Variants in NEK7 observed in about 807,000 individuals in gnomAD.
NEK7 encodes serine/threonine-protein kinase Nek7.
NEK7 carries 18 observed loss-of-function variants against 44.6 expected under a neutral mutation model. The ratio of observed to expected loss-of-function variants is 0.40; its 90% CI spans 0.28 to 0.60. NEK7 has a LOEUF of 0.60. Ranked by LOEUF, NEK7 falls within the 20% of genes least tolerant of loss-of-function variation. NEK7 has a pLI of 0.38. For synonymous variants in NEK7, 130 were observed against 121.1 expected (o/e 1.07, Z -0.48); for missense variants, 256 against 366.5 (o/e 0.70, Z 2.46).
At chr1:198,287,628 A>G (rs1453406010) in intron 7 of NEK7, among the ~76,000 whole-genome samples, 1 of 152,136 alleles carries the variant, frequency 6.6e-6, no homozygotes, top group East Asian at 1.9e-4. Flanking sequence ...ATTTATAAAC[A>G]AATCATTTTC....
chr1:198,158,057 T>G (rs988558526), intron 1 of NEK7, among the ~76,000 whole-genome samples: 2 of 152,180 alleles, frequency 1.3e-5, no homozygotes, highest in Non-Finnish European at 2.9e-5. Flanking sequence ...GAACTTCTGT[T>G]GCCTCTGTTA....
chr1:198,182,520 G>A (rs542580725), intron 1 of NEK7, among the ~76,000 whole-genome samples: 5 of 152,222 alleles, frequency 3.3e-5, no homozygotes, highest in African/African-American at 1.2e-4. Flanking sequence ...TTTCTGGTTT[G>A]TATTCTTGCT....
At chr1:198,162,128 T>G (rs1048973150) in intron 1 of NEK7, among the ~76,000 whole-genome samples, 2 of 152,154 alleles carry the variant, frequency 1.3e-5, no homozygotes, top group Non-Finnish European at 2.9e-5. Flanking sequence ...AAGAATTAGC[T>G]GTAGACTTAC....
At chr1:198,174,037 A>AT (rs1309350886) in intron 1 of NEK7, among the ~76,000 whole-genome samples, 1 of 152,220 alleles carries the variant, frequency 6.6e-6, no homozygotes, top group East Asian at 1.9e-4. Context: ...AAATTGCAAG[A>AT]TAGTGCAGGT....
At chr1:198,221,519 A>G (rs528873080) in intron 1 of NEK7, among the ~76,000 whole-genome samples, 206 of 151,882 alleles carry the variant, frequency 1.4e-3, no homozygotes, top group Admixed American at 2.2e-3. Context: ...TCTTAAAAAC[A>G]TATTTTTAAG....
intron 1 of NEK7, chr1:198,198,203 C>T (rs1665303497): frequency 1.4e-6 from 1 of 720,534 alleles, no homozygotes; most frequent in East Asian, 2.7e-5. Flanking sequence ...GTGTGTCCTC[C>T]AGCCTTTCCA....
At chr1:198,159,610 C>T (rs1021003112) in intron 1 of NEK7, among the ~76,000 whole-genome samples, 1 of 152,116 alleles carries the variant, frequency 6.6e-6, no homozygotes, top group East Asian at 1.9e-4. Context: ...TATTTCTAAG[C>T]GTACAGACTC....
intron 1 of NEK7, among the ~76,000 whole-genome samples, chr1:198,186,631 C>T (rs1381105003): frequency 6.6e-6 from 1 of 152,164 alleles, no homozygotes; most frequent in African/African-American, 2.4e-5. Flanking sequence ...ACAGTCCAAC[C>T]TTTGCCCATA....
At chr1:198,204,290 A>T (rs1665524925) in intron 1 of NEK7, among the ~76,000 whole-genome samples, 1 of 152,106 alleles carries the variant, frequency 6.6e-6, no homozygotes. Flanking sequence ...AAAAATAAAT[A>T]TGAGAGCAAG....
At chr1:198,178,869 AG>A (rs1308831646) in intron 1 of NEK7, among the ~76,000 whole-genome samples, 1 of 152,066 alleles carries the variant, frequency 6.6e-6, no homozygotes, top group Non-Finnish European at 1.5e-5. Flanking sequence ...GGTTTATCTG[AG>A]CATATAAAGA....
At chr1:198,198,481 AG>A (rs1285301577) in intron 1 of NEK7, among the ~76,000 whole-genome samples, 1 of 152,130 alleles carries the variant, frequency 6.6e-6, no homozygotes, top group Non-Finnish European at 1.5e-5. Context: ...AGAGAGTTTA[AG>A]GTGATCTGGG....
intron 2 of NEK7, among the ~76,000 whole-genome samples, chr1:198,248,893 TTATTATAC>T (rs1413227468): frequency 6.6e-6 from 1 of 151,890 alleles, no homozygotes; most frequent in African/African-American, 2.4e-5. Flanking sequence ...TATTTTATTA[TTATTATAC>T]TATTATACTT....
At chr1:198,265,045 A>G (rs1380211744) in intron 5 of NEK7, among the ~76,000 whole-genome samples, 1 of 152,078 alleles carries the variant, frequency 6.6e-6, no homozygotes, top group East Asian at 1.9e-4. Context: ...TGGGGCTAGT[A>G]TGGTAGCTCT....
intron 1 of NEK7, among the ~76,000 whole-genome samples, chr1:198,159,452 T>C (rs191886784): frequency 7.7e-4 from 117 of 152,296 alleles, no homozygotes; most frequent in African/African-American, 2.7e-3. Flanking sequence ...AGACTAAATA[T>C]AGTCCATGTG....
At chr1:198,182,955 C>T (rs1242650268) in intron 1 of NEK7, among the ~76,000 whole-genome samples, 1 of 152,088 alleles carries the variant, frequency 6.6e-6, no homozygotes, top group Non-Finnish European at 1.5e-5. Context: ...AAGGGGATGT[C>T]TCCTTTGGTT....
intron 1 of NEK7, among the ~76,000 whole-genome samples, chr1:198,189,979 A>G (rs950334481): frequency 2.6e-5 from 4 of 152,146 alleles, no homozygotes; most frequent in African/African-American, 9.6e-5. Flanking sequence ...TTGTATTGCC[A>G]TATAGGCAAA....
At chr1:198,192,062 T>C (rs1406064188) in intron 1 of NEK7, among the ~76,000 whole-genome samples, 1 of 152,080 alleles carries the variant, frequency 6.6e-6, no homozygotes, top group Non-Finnish European at 1.5e-5. Flanking sequence ...TTCTTGGCTA[T>C]TTCTGGCCTC....
rs980700243 is a variant in NEK7, at chr1:198,301,456, G to A, written c.798+4216G>A. Among the ~76,000 whole-genome samples the A allele has an allele frequency of 7.9e-5, 12 of 152,296 alleles. No homozygotes were observed. In the East Asian group the frequency reaches 1.7e-3, roughly 22 times the overall value. On this transcript the variant is annotated intron_variant, in intron 9 of 9. Coordinates refer to ENST00000367385, the MANE Select transcript of NEK7 (RefSeq NM_133494.3). ...TCCCAGCTACTCGGGAGGCTGAGGC[G>A]GGAGAATGGCGTGAACCCAGGAGGC...
intron 4 of NEK7, among the ~76,000 whole-genome samples, chr1:198,263,673 G>A (rs1159794413): frequency 6.6e-6 from 1 of 151,884 alleles, no homozygotes; most frequent in Admixed American, 6.6e-5. Context: ...GTAGGTACCA[G>A]CTGTGTTTTG....
Sources: gnomAD v4.1 joint callset for allele counts (sites outside exome capture counted in the v4.1 genomes callset) on GRCh38, gnomAD v4.1.1 for gene constraint, MANE v1.5 for transcripts, NCBI Gene and HGNC (gene_info 2026-07-23, HGNC 2026-07-21) for gene names.